Variants in FNBP4 observed in about 807,000 individuals in gnomAD.
FNBP4 encodes formin-binding protein 4.
FNBP4 carries 34 observed loss-of-function variants against 119.3 expected under a neutral mutation model. The ratio of observed to expected loss-of-function variants is 0.28; its 90% CI spans 0.22 to 0.38. The LOEUF (loss-of-function observed/expected upper bound fraction) is 0.38. Among genes scored for constraint, FNBP4 ranks in the 10% least tolerant of loss-of-function variants. The pLI is 1.00. For synonymous variants in FNBP4, 462 were observed against 430.6 expected, an observed-to-expected ratio of 1.07 and a Z score of -0.90; for missense variants, 1,112 against 1,228.9, an observed-to-expected ratio of 0.90 and a Z score of 1.42.
rs939091453 is a variant in FNBP4 at position 47,732,092 on chromosome 11, A to G, written c.1820+445T>C. ...AAAAAAAAATCAAGAAAAGCCAAAT[A>G]TATAAAGAAATGTTTTCATCTGACC... On this transcript the variant is annotated intron_variant, in intron 11 of 16. Coordinates refer to ENST00000263773, the MANE Select transcript of FNBP4 (RefSeq NM_015308.5). This position sits in a 1 kb window ranked among gnomAD's most constrained non-coding sequence, Gnocchi z 4.2. 7 of 994,126 alleles carry G rather than the reference A, an allele frequency of 7.0e-6. No homozygotes were observed. The highest frequency in any genetic ancestry group is 9.3e-5 in the South Asian group (2 of 21,512). 61.6% of individuals were successfully genotyped at this position (994,126 alleles called of 1,614,324 possible). A position where few individuals can be genotyped will look rare whatever the true frequency, so the allele number is the denominator to read the frequency against.
chr11:47,734,981 C>A (rs1355819257), intron 9 of FNBP4, among the ~76,000 whole-genome samples: 9 of 108,046 alleles, frequency 8.3e-5, no homozygotes, highest in South Asian at 6.0e-4. Context: ...CCCCAACACC[C>A]CCCCCCCCAA....
At chr11:47,739,630 A>G (rs1000646850) in intron 8 of FNBP4, among the ~76,000 whole-genome samples, 20 of 152,360 alleles carry the variant, frequency 1.3e-4, no homozygotes, top group Non-Finnish European at 2.6e-4. Context: ...CATATAATAT[A>G]AAGAATAAAA....
At chr11:47,727,010 T>C (rs1291829242) in intron 12 of FNBP4, 1 of 152,278 alleles carries the variant, frequency 6.6e-6, no homozygotes, top group African/African-American at 2.4e-5. Context: ...CAAATATTGG[T>C]GGATGTCTCC....
chr11:47,763,508 T>C lies in FNBP4; in HGVS notation c.313+1762A>G, dbSNP rs2097640480. On this transcript the variant is annotated intron_variant, in intron 2 of 16. Transcript: ENST00000263773. ...AGAGCCATAGTGTTTTGTTTTGTTT[T>C]GTTTTGTTTTGAGACGGAGTCTTGC... Among the ~76,000 whole-genome samples the C allele has an allele frequency of 2.6e-5, 4 of 151,788 alleles. No individual in the cohort carries two copies. The Admixed American group carries it at 2.6e-4, about 10-fold the overall frequency.
intron 15 of FNBP4, among the ~76,000 whole-genome samples, chr11:47,722,351 C>A (rs1014879757): frequency 6.6e-6 from 1 of 151,510 alleles, no homozygotes; most frequent in Non-Finnish European, 1.5e-5. Flanking sequence ...CAGGTTCAAG[C>A]GACTCTCCCG....
intron 12 of FNBP4, among the ~76,000 whole-genome samples, chr11:47,728,848 C>CTTTTTTT (rs35490791): frequency 1.8e-5 from 2 of 113,584 alleles, no homozygotes; most frequent in South Asian, 3.3e-4. Flanking sequence ...CTGTAGGCGT[C>CTTTTTTT]TTTTTTTTTT....
chr11:47,765,849 A>ATTTTTTT (rs1565173531), intron 1 of FNBP4, among the ~76,000 whole-genome samples: 21 of 23,498 alleles, frequency 8.9e-4, no homozygotes, highest in South Asian at 3.7e-3. Flanking sequence ...CAGAGCTGGA[A>ATTTTTTT]TCTTTTTTTT....
chr11:47,740,476 C>A (rs2097580374), intron 8 of FNBP4, among the ~76,000 whole-genome samples: 1 of 151,470 alleles, frequency 6.6e-6, no homozygotes, highest in East Asian at 1.9e-4. Flanking sequence ...AATATTGAGT[C>A]TTCCCAGGTT....
chr11:47,737,611 T>C (rs1036119325), intron 8 of FNBP4, among the ~76,000 whole-genome samples: 2 of 150,804 alleles, frequency 1.3e-5, no homozygotes, highest in African/African-American at 4.9e-5. Flanking sequence ...AGCTAGTTTT[T>C]GTATTTTTAG....
chr11:47,758,295 C>T (rs945215178), intron 2 of FNBP4, among the ~76,000 whole-genome samples: 6 of 152,240 alleles, frequency 3.9e-5, no homozygotes, highest in East Asian at 3.9e-4. Context: ...AGGCTCATCT[C>T]GAACTCCTGG....
chr11:47,750,688 C>CAAAAAAAAA (rs67153479), intron 6 of FNBP4, among the ~76,000 whole-genome samples: 10 of 68,042 alleles, frequency 1.5e-4, no homozygotes, highest in East Asian at 4.8e-4. Context: ...GACTCTGTCT[C>CAAAAAAAAA]AAAAAAAAAA....
chr11:47,767,128 G>A lies in FNBP4; in HGVS notation c.161C>T (p.Ala54Val), dbSNP rs1350827321. Reference sequence around the variant, plus strand: ...AGTCACCGCGGTGGTGGTGGTCGTCGCCGCCGACGGGGCGGGCTGGCTGGG... The same window carrying A: ...AGTCACCGCGGTGGTGGTGGTCGTCACCGCCGACGGGGCGGGCTGGCTGGG... ...AVPSQPAPSA[A>V]TTTTTAVTAA... The change falls in exon 1 of 17, where the codon GCG becomes GTG. Residue 54 changes from alanine (A) to valine (V), a missense_variant. Around this residue, in one of 2 missense-constraint regions of FNBP4, gnomAD observed 286 missense variants for 240.1 expected, o/e 1.19. Transcript: ENST00000263773. 1 of 1,540,422 alleles carries A rather than the reference G, an allele frequency of 6.5e-7. No homozygotes were observed. The highest frequency in any genetic ancestry group is 8.7e-7 in the Non-Finnish European group (1 of 1,148,740).
chr11:47,744,237 A>C (rs2097586190), intron 7 of FNBP4, 74 bp from the exon 8 acceptor site: 10 of 1,294,822 alleles, frequency 7.7e-6, no homozygotes, highest in Non-Finnish European at 1.1e-5. Context: ...AATAAACAAG[A>C]CTATGTTGTT....
rs1303292840 is a variant in FNBP4 at position 47,724,694 on chromosome 11, G to A, written c.2093C>T (p.Ser698Leu). ...PLTPFWTLLQ[S>L]NVPVLQPPLP... ...TGGAGGTTGAAGCACAGGAACATTT[G>A]ACTGAAGGAGGGTCCAGAATGGAGT... The change falls in exon 13 of 17, where the codon TCA (serine) becomes TTA (leucine). Residue 698 changes from serine (S) to leucine (L), a missense_variant. By Grantham distance (145) the Ser-to-Leu change is moderately radical (BLOSUM62 -2). Coordinates refer to ENST00000263773, the MANE Select transcript of FNBP4 (RefSeq NM_015308.5). 6.2e-7 allele frequency: 1 copy of A among 1,613,880 alleles called. No individual in the cohort carries two copies.
chr11:47,734,989 C>G (rs1975856), intron 9 of FNBP4, among the ~76,000 whole-genome samples: 1 of 119,932 alleles, frequency 8.3e-6, no homozygotes, highest in East Asian at 2.3e-4. Context: ...CCCCCCCCCC[C>G]AAAAAAAAAG....
Position 47,758,772 on chromosome 11 carries a change from T to C in FNBP4, c.314-4108A>G, listed in dbSNP as rs1459123572. On this transcript the variant is annotated intron_variant, in intron 2 of 16. Transcript: ENST00000263773. ...TACTCAGGAGGCTGAGGCATGAGAA[T>C]TGCTTGAACCCGGAAGGTGGACATT... Among the ~76,000 whole-genome samples, 4 of 151,514 alleles carry C rather than the reference T, an allele frequency of 2.6e-5. No individual in the cohort carries two copies. In the East Asian group the frequency reaches 6.0e-4, roughly 23 times the overall value.
chr11:47,724,823 C>T (rs1262409941), intron 12 of FNBP4, 45 bp from the exon 13 acceptor site: 5 of 1,517,264 alleles, frequency 3.3e-6, no homozygotes, highest in South Asian at 2.7e-5. Context: ...GAAAAAAACT[C>T]CCTGGCTTAT....
intron 15 of FNBP4, among the ~76,000 whole-genome samples, chr11:47,720,666 C>T (rs1473237404): frequency 6.6e-6 from 1 of 151,666 alleles, no homozygotes; most frequent in Non-Finnish European, 1.5e-5. Flanking sequence ...TTTAACCTCC[C>T]TATCCTATGT....
At position 47,750,931 on chromosome 11, in the gene FNBP4, C is replaced by T; in HGVS notation, c.891G>A (p.Lys297=). The T allele has an allele frequency of 6.2e-7, 1 of 1,613,888 alleles. No individual in the cohort carries two copies. Among genetic ancestry groups the T allele is most frequent in the East Asian group, 2.2e-5 (1 of 44,872 alleles). The part of the protein sequence containing the change: ...SSSKSGPVIA[K]REVKKEVNEG... ...CGACACTGACCTTTTTAACTTCTCG[C>T]TTGGCTATGACTGGTCCACTTTTAC... Residue 297 remains lysine, a synonymous_variant, in exon 6 of 17, where the codon AAG becomes AAA. Transcript: ENST00000263773.
Sources: gnomAD v4.1 joint callset for allele counts (sites outside exome capture counted in the v4.1 genomes callset) on GRCh38, gnomAD v4.1.1 for gene constraint, gnomAD v4.1.1 regional missense constraint, Gnocchi (gnomAD v3.1) non-coding constraint, MANE v1.5 for transcripts, NCBI Gene and HGNC (gene_info 2026-07-23, HGNC 2026-07-21) for gene names.